The following FAM135B variants were observed in gnomAD, a reference collection of about 807,000 sequenced individuals.
The protein encoded by FAM135B is family with sequence similarity 135 member B.
Under a neutral mutation model 127.7 loss-of-function variants are expected in FAM135B, and 43 were observed. That is an observed-to-expected ratio of 0.34 (90% CI 0.26 to 0.43). The LOEUF (loss-of-function observed/expected upper bound fraction) is 0.43, where lower values mean the gene tolerates loss of function less well. Ranked by LOEUF, FAM135B falls within the 20% of genes least tolerant of loss-of-function variation. The probability of loss-of-function intolerance (pLI) is 1.00; values close to 1 mark genes in which losing one functional copy is unlikely to be tolerated. For synonymous variants in FAM135B, 670 were observed against 665.1 expected (o/e 1.01, Z -0.11); for missense variants, 1,558 against 1,725.6 (o/e 0.90, Z 1.72).
chr8:138,480,385 T>C (rs1814725555), intron 1 of FAM135B, among the ~76,000 whole-genome samples: 1 of 152,184 alleles, frequency 6.6e-6, no homozygotes, highest in Non-Finnish European at 1.5e-5. Context: ...TCTGTTTCTG[T>C]AGGCTGTTGT....
chr8:138,134,458 T>G (rs2130508631), intron 19 of FAM135B, among the ~76,000 whole-genome samples: 1 of 152,284 alleles, frequency 6.6e-6, no homozygotes, highest in Non-Finnish European at 1.5e-5. Context: ...CCTTGATTGG[T>G]TTCATAAGCC....
chr8:138,433,476 T>A (rs998901796), intron 1 of FAM135B, among the ~76,000 whole-genome samples: 2 of 151,600 alleles, frequency 1.3e-5, no homozygotes, highest in African/African-American at 2.4e-5. Context: ...TGAGCAGAGA[T>A]CATGCCACTG....
intron 4 of FAM135B, among the ~76,000 whole-genome samples, chr8:138,262,903 G>A (rs79561310): frequency 1.8e-3 from 169 of 95,328 alleles, no homozygotes; most frequent in Admixed American, 2.2e-3. Context: ...CTCTGTCTCA[G>A]AAAAAAAAAA....
chr8:138,313,630 A>G (rs868785055), intron 2 of FAM135B, among the ~76,000 whole-genome samples: 3 of 149,006 alleles, frequency 2.0e-5, no homozygotes, highest in African/African-American at 7.4e-5. Flanking sequence ...CGGCTCCCCA[A>G]AGTGCTGGGA....
At chr8:138,160,309 C>G (rs1819236818) in intron 12 of FAM135B, among the ~76,000 whole-genome samples, 1 of 152,210 alleles carries the variant, frequency 6.6e-6, no homozygotes, top group South Asian at 2.1e-4. Flanking sequence ...TATGGAAACC[C>G]ACAATTTATA....
chr8:138,351,293 C>T (rs1184404854), intron 2 of FAM135B, among the ~76,000 whole-genome samples: 1 of 151,610 alleles, frequency 6.6e-6, no homozygotes, highest in East Asian at 2.0e-4. Context: ...TAAAACAAGG[C>T]CATTAGGGTG....
chr8:138,145,232 T>G (rs1817553929), intron 15 of FAM135B, among the ~76,000 whole-genome samples: 1 of 152,116 alleles, frequency 6.6e-6, no homozygotes, highest in Non-Finnish European at 1.5e-5. Flanking sequence ...CCCAGGCTGT[T>G]TTTGAACTCC....
chr8:138,253,766 C>T (rs1161321941), intron 5 of FAM135B, among the ~76,000 whole-genome samples: 1 of 152,174 alleles, frequency 6.6e-6, no homozygotes, highest in Non-Finnish European at 1.5e-5. Context: ...ATATGAGAGG[C>T]TCTGCTTCTC....
intron 8 of FAM135B, 106 bp from the exon 9 acceptor site, chr8:138,195,413 G>A: frequency 9.5e-7 from 1 of 1,048,954 alleles, no homozygotes; most frequent in Non-Finnish European, 1.5e-6. Flanking sequence ...TAACGTCACA[G>A]AGACAAACAC....
intron 7 of FAM135B, among the ~76,000 whole-genome samples, chr8:138,211,197 T>G (rs575294373): frequency 6.6e-6 from 1 of 152,278 alleles, no homozygotes; most frequent in Middle Eastern, 3.4e-3. Flanking sequence ...ATTTAATTCT[T>G]TAGGAAAGCA....
intron 3 of FAM135B, among the ~76,000 whole-genome samples, chr8:138,288,905 T>C (rs1015034128): frequency 7.2e-5 from 11 of 152,222 alleles, no homozygotes; most frequent in African/African-American, 2.7e-4. Flanking sequence ...AAATGTTAAG[T>C]GCACCCAGTA....
intron 3 of FAM135B, among the ~76,000 whole-genome samples, chr8:138,287,850 C>G (rs987352454): frequency 2.0e-5 from 3 of 152,192 alleles, no homozygotes; most frequent in Non-Finnish European, 4.4e-5. Context: ...AAAATCTACA[C>G]GTTACCTATT....
intron 1 of FAM135B, among the ~76,000 whole-genome samples, chr8:138,447,248 G>A (rs1462568312): frequency 1.3e-5 from 2 of 152,134 alleles, no homozygotes; most frequent in South Asian, 2.1e-4. Context: ...ATAGTGTGGC[G>A]ATTCCTCAGG....
chr8:138,332,657 C>T (rs1291908477), intron 2 of FAM135B, among the ~76,000 whole-genome samples: 1 of 151,838 alleles, frequency 6.6e-6, no homozygotes, highest in African/African-American at 2.4e-5. Context: ...AAAGCAGGGG[C>T]GTGTGGTGCA....
intron 2 of FAM135B, among the ~76,000 whole-genome samples, chr8:138,336,746 A>G (rs1828623531): frequency 6.6e-6 from 1 of 152,228 alleles, no homozygotes; most frequent in African/African-American, 2.4e-5. Flanking sequence ...AATCCTCCCT[A>G]ACTCATTTTA....
At chr8:138,153,596 C>A (rs887789832) in intron 12 of FAM135B, among the ~76,000 whole-genome samples, 3 of 152,230 alleles carry the variant, frequency 2.0e-5, no homozygotes, top group African/African-American at 7.2e-5. Context: ...CCTAATACTG[C>A]ACTTTTCCAA....
At chr8:138,168,246 T>C (rs1820126519) in intron 11 of FAM135B, among the ~76,000 whole-genome samples, 197 bp from the exon 12 acceptor site, 2 of 152,206 alleles carry the variant, frequency 1.3e-5, no homozygotes, top group South Asian at 4.1e-4. Flanking sequence ...GCTGAGGTGC[T>C]GAAGTTAGAG....
At chr8:138,457,951 TG>T (rs1345371957) in intron 1 of FAM135B, among the ~76,000 whole-genome samples, 1 of 135,858 alleles carries the variant, frequency 7.4e-6, no homozygotes, top group Non-Finnish European at 1.5e-5. Context: ...CACTCCAGCC[TG>T]GGCAAGAGCG....
chr8:138,247,608 C>T (rs1183479007), intron 6 of FAM135B, among the ~76,000 whole-genome samples: 1 of 152,166 alleles, frequency 6.6e-6, no homozygotes, highest in Non-Finnish European at 1.5e-5. Flanking sequence ...TCAGTTCTTT[C>T]TTCATAGCAG....
Sources: gnomAD v4.1 joint callset for allele counts (sites outside exome capture counted in the v4.1 genomes callset) on GRCh38, gnomAD v4.1.1 for gene constraint, MANE v1.5 for transcripts, NCBI Gene and HGNC (gene_info 2026-07-23, HGNC 2026-07-21) for gene names.